The following SPOCK1 variants were observed in gnomAD, a reference collection of about 807,000 sequenced individuals.
The protein encoded by SPOCK1 is testican-1.
Under a neutral mutation model 55.3 loss-of-function variants are expected in SPOCK1, and 23 were observed. The ratio of observed to expected loss-of-function variants is 0.42; its 90% CI spans 0.30 to 0.59. The LOEUF (loss-of-function observed/expected upper bound fraction) is 0.59, where lower values mean the gene tolerates loss of function less well. Among genes scored for constraint, SPOCK1 ranks in the 20% least tolerant of loss-of-function variants. The probability of loss-of-function intolerance (pLI) is 0.22; values close to 1 mark genes in which losing one functional copy is unlikely to be tolerated. For missense variants in SPOCK1, 499 were observed against 552.5 expected, an observed-to-expected ratio of 0.90 and a Z score of 0.97; for synonymous variants, 226 against 221.0, an observed-to-expected ratio of 1.02 and a Z score of -0.20.
intron 2 of SPOCK1, among the ~76,000 whole-genome samples, chr5:137,351,215 T>G (rs73298707): frequency 0.064 from 9,782 of 152,188 alleles, 659 homozygotes; most frequent in African/African-American, 0.17. Context: ...GATCCCCACC[T>G]CCCACCAGAG....
intron 6 of SPOCK1, chr5:136,992,803 C>G: frequency 2.1e-6 from 1 of 469,172 alleles, no homozygotes; most frequent in East Asian, 3.5e-5. Flanking sequence ...CCAGGGCAAG[C>G]AGCCTTTGTT....
At chr5:137,251,711 C>G (rs2916631) in intron 3 of SPOCK1, among the ~76,000 whole-genome samples, 10,248 of 152,116 alleles carry the variant, frequency 0.067, 1,058 homozygotes, top group African/African-American at 0.23. Flanking sequence ...CTTTTAGATG[C>G]CTGCATGAGA....
At chr5:137,320,870 A>G (rs180747892) in intron 2 of SPOCK1, among the ~76,000 whole-genome samples, 94 of 152,348 alleles carry the variant, frequency 6.2e-4, no homozygotes, top group African/African-American at 2.2e-3. Context: ...AGTAATGGGG[A>G]AACACAGCCC....
chr5:137,463,526 T>TGG (rs200180241), intron 2 of SPOCK1, among the ~76,000 whole-genome samples: 1 of 12,446 alleles, frequency 8.0e-5, no homozygotes, highest in Non-Finnish European at 1.6e-4. Flanking sequence ...GCAAGGGTAG[T>TGG]GGGGGGGTGT....
chr5:137,402,924 C>T (rs1406336749), intron 2 of SPOCK1, among the ~76,000 whole-genome samples: 1 of 152,180 alleles, frequency 6.6e-6, no homozygotes, highest in Non-Finnish European at 1.5e-5. Context: ...CTATTGATGG[C>T]TTACAGAGTT....
rs114012086 is a variant in SPOCK1 at position 137,247,346 on chromosome 5, T to A, written c.232+19664A>T. 4.8e-3 allele frequency among the ~76,000 whole-genome samples: 725 copies of A among 151,938 alleles called. 3 individuals carry two copies. Among genetic ancestry groups the A allele is most frequent in the African/African-American group, 0.017 (702 of 41,482 alleles). The stretch of plus-strand genomic sequence containing the variant: ...TTCTGGTGCAGGTCAGTGGCAAACA[T>A]GCCAGGTTTAGACTCCCCCTTGATT... On this transcript the variant is annotated intron_variant, in intron 3 of 10. Coordinates refer to ENST00000394945, the MANE Select transcript of SPOCK1 (RefSeq NM_004598.4).
chr5:137,414,444 T>C (rs957436615), intron 2 of SPOCK1, among the ~76,000 whole-genome samples: 5 of 152,306 alleles, frequency 3.3e-5, no homozygotes, highest in Middle Eastern at 3.4e-3. Flanking sequence ...ACTTATTCAG[T>C]AGAATAATAA....
chr5:137,391,332 C>G (rs1751718103), intron 2 of SPOCK1, among the ~76,000 whole-genome samples: 1 of 152,074 alleles, frequency 6.6e-6, no homozygotes, highest in South Asian at 2.1e-4. Context: ...CCAAGTTTTG[C>G]TATTGTGAAT....
chr5:137,116,930 T>A (rs715187), intron 4 of SPOCK1, among the ~76,000 whole-genome samples: 2 of 151,944 alleles, frequency 1.3e-5, no homozygotes, highest in Non-Finnish European at 2.9e-5. Context: ...AAATATCAGT[T>A]CCCCAGGAAG....
intron 3 of SPOCK1, among the ~76,000 whole-genome samples, chr5:137,262,820 G>A (rs1451933913): frequency 1.3e-5 from 2 of 152,170 alleles, no homozygotes. Flanking sequence ...TAAAACCAGA[G>A]TGGAATGGGA....
intron 6 of SPOCK1, among the ~76,000 whole-genome samples, chr5:137,011,635 C>T (rs546805720): frequency 4.7e-4 from 72 of 152,306 alleles, no homozygotes; most frequent in African/African-American, 1.7e-3. Flanking sequence ...GCCTCAGTCC[C>T]ATCTACCACA....
At chr5:136,992,438 C>T (rs1300095755) in intron 7 of SPOCK1, 46 bp downstream of exon 7, 1 of 1,436,500 alleles carries the variant, frequency 7.0e-7, no homozygotes, top group Non-Finnish European at 9.6e-7. Context: ...AACCCTAAAT[C>T]AATGTCTAAT....
At chr5:137,166,380 T>C (rs185992229) in intron 3 of SPOCK1, among the ~76,000 whole-genome samples, 60 of 151,832 alleles carry the variant, frequency 4.0e-4, no homozygotes, top group Admixed American at 5.2e-4. Flanking sequence ...AGCTGAGGGA[T>C]TTCATCAACA....
At chr5:137,069,915 T>C (rs137937105) in intron 5 of SPOCK1, among the ~76,000 whole-genome samples, 2 of 152,378 alleles carry the variant, frequency 1.3e-5, no homozygotes, top group East Asian at 3.9e-4. Context: ...CGATTGTATC[T>C]GTGATAGACT....
chr5:137,492,523 G>C (rs956694044), intron 2 of SPOCK1, among the ~76,000 whole-genome samples: 3 of 152,176 alleles, frequency 2.0e-5, no homozygotes, highest in African/African-American at 7.2e-5. Flanking sequence ...AGTTATACAA[G>C]CGAGTATGTT....
At chr5:136,996,594 G>C (rs973904839) in intron 6 of SPOCK1, among the ~76,000 whole-genome samples, 1 of 152,136 alleles carries the variant, frequency 6.6e-6, no homozygotes, top group Non-Finnish European at 1.5e-5. Context: ...ATCCTACTGA[G>C]AGGTGAAGCC....
At chr5:137,172,295 C>T (rs1754767911) in intron 3 of SPOCK1, among the ~76,000 whole-genome samples, 1 of 152,194 alleles carries the variant, frequency 6.6e-6, no homozygotes, top group Non-Finnish European at 1.5e-5. Context: ...CCCCTCCATT[C>T]ATTTTGATAC....
chr5:137,151,042 C>T (rs1182342747), intron 3 of SPOCK1, among the ~76,000 whole-genome samples: 1 of 152,232 alleles, frequency 6.6e-6, no homozygotes, highest in Non-Finnish European at 1.5e-5. Context: ...CTAATCCTTG[C>T]TTCTCAGACT....
intron 2 of SPOCK1, among the ~76,000 whole-genome samples, chr5:137,439,860 G>C (rs544658526): frequency 1.3e-5 from 2 of 152,304 alleles, no homozygotes; most frequent in East Asian, 3.9e-4. Flanking sequence ...TACCAACACT[G>C]ATTCTTAATC....
Sources: gnomAD v4.1 joint callset for allele counts (sites outside exome capture counted in the v4.1 genomes callset) on GRCh38, gnomAD v4.1.1 for gene constraint, MANE v1.5 for transcripts, NCBI Gene and HGNC (gene_info 2026-07-23, HGNC 2026-07-21) for gene names.